RNF220: variants seen among roughly 807,000 people sequenced by gnomAD.
RNF220 encodes the protein ring finger protein 220.
RNF220 carries 7 observed loss-of-function variants against 67.1 expected under a neutral mutation model. The observed-to-expected ratio is 0.10, with a 90% CI of 0.06 to 0.20. RNF220 has a LOEUF of 0.20. RNF220 is among the 10% of genes least tolerant of loss of function. RNF220 has a pLI of 1.00. For missense variants in RNF220, 565 were observed against 740.3 expected (o/e 0.76, Z 2.75); for synonymous variants, 270 against 283.2 (o/e 0.95, Z 0.47).
intron 8 of RNF220, 31 bp from the exon 9 acceptor site, chr1:44,644,667 C>T (rs775608740): frequency 6.3e-7 from 1 of 1,593,694 alleles, no homozygotes; most frequent in East Asian, 2.2e-5. Flanking sequence ...CGTCTTGTCC[C>T]CAGGCCCTCC....
chr1:44,412,769 C>T lies in RNF220; in HGVS notation c.625+47C>T, dbSNP rs1200792503. 2.5e-6 allele frequency: 4 copies of T among 1,572,680 alleles called. No individual in the cohort carries two copies. Among genetic ancestry groups the T allele is most frequent in the Middle Eastern group, 1.7e-4 (1 of 5,844 alleles). ...CTCCCTTACCCCCAGTAAGCCCTGCCTCACCGTGATGTTCAACAGGTCGGT... is the reference window on the plus strand; with the variant it reads ...CTCCCTTACCCCCAGTAAGCCCTGCTTCACCGTGATGTTCAACAGGTCGGT... On this transcript the variant is annotated intron_variant, in intron 2 of 14. Transcript: ENST00000361799. This position sits in a 1 kb window ranked among gnomAD's most constrained non-coding sequence, Gnocchi z 5.3.
At chr1:44,478,257 A>G (rs886694959) in intron 2 of RNF220, among the ~76,000 whole-genome samples, 4 of 151,754 alleles carry the variant, frequency 2.6e-5, no homozygotes, top group South Asian at 2.1e-4. Flanking sequence ...GCCTCCCCCA[A>G]TTTTTACTCA....
chr1:44,551,395 G>A (rs184500668), intron 2 of RNF220, among the ~76,000 whole-genome samples: 1,444 of 131,824 alleles, frequency 0.011, 19 homozygotes, highest in Non-Finnish European at 0.018. Context: ...GATTACAGGC[G>A]TGAGCCACCG....
chr1:44,416,658 G>A (rs1021028395), intron 2 of RNF220, among the ~76,000 whole-genome samples: 3 of 152,232 alleles, frequency 2.0e-5, no homozygotes, highest in African/African-American at 2.4e-5. Context: ...GTGGAGCGGC[G>A]ACTGGCCCTG....
rs1647245824 is a variant in RNF220 at position 44,405,430 on chromosome 1, C to T, written c.-218C>T. Reference sequence around the variant, plus strand: ...CCGCCGCCGCCGCCGCTGCCTCCGCCGGCTCTGCGAACCCGGGACTTTTCA... The same window carrying T: ...CCGCCGCCGCCGCCGCTGCCTCCGCTGGCTCTGCGAACCCGGGACTTTTCA... On this transcript the variant is annotated 5_prime_UTR_variant, in exon 1 of 15. Coordinates refer to ENST00000361799, the MANE Select transcript of RNF220 (RefSeq NM_018150.4). The T allele has an allele frequency of 3.2e-6, 2 of 629,814 alleles. No individual in the cohort carries two copies. Among genetic ancestry groups the T allele is most frequent in the African/African-American group, 1.9e-5 (1 of 53,436 alleles). The allele number at this position is 629,814 out of a possible 1,614,324, so 39.0% of individuals were successfully genotyped here.
chr1:44,650,374 T>C lies in RNF220; in HGVS notation c.1630-330T>C, dbSNP rs1364167977. On this transcript the variant is annotated intron_variant, in intron 14 of 14. Transcript: ENST00000361799. The surrounding 1 kb of genome is among the most constrained non-coding windows in gnomAD (Gnocchi z 4.3). ...CCATTAAAATGTCGCCCGGAGACAGTAATAAAAGGCTCGGACGTGGGCTCT... is the reference window on the plus strand; with the variant it reads ...CCATTAAAATGTCGCCCGGAGACAGCAATAAAAGGCTCGGACGTGGGCTCT... The C allele has an allele frequency of 2.3e-6, 1 of 442,444 alleles. No individual in the cohort carries two copies. Among genetic ancestry groups the C allele is most frequent in the Non-Finnish European group, 4.1e-6 (1 of 243,202 alleles). 27.4% of individuals were successfully genotyped at this position (442,444 alleles called of 1,614,324 possible). A position where few individuals can be genotyped will look rare whatever the true frequency, so the allele number is the denominator to read the frequency against.
rs761137891 is a variant in RNF220, at chr1:44,651,133, G to A, written c.*358G>A. The stretch of plus-strand genomic sequence containing the variant: ...CAGACAGACATGCAAACACCAGACT[G>A]AAGCACATGTAATATAGACCGTGTA... On this transcript the variant is annotated 3_prime_UTR_variant, in exon 15 of 15. Transcript: ENST00000361799. The A allele has an allele frequency of 1.1e-4, 41 of 359,654 alleles. No homozygotes were observed. The highest frequency in any genetic ancestry group is 2.1e-4 in the Non-Finnish European group (39 of 184,362). The allele number at this position is 359,654 out of a possible 1,614,324, so 22.3% of individuals were successfully genotyped here.
chr1:44,488,727 C>CTTTT (rs55968850), intron 2 of RNF220, among the ~76,000 whole-genome samples: 30 of 102,574 alleles, frequency 2.9e-4, no homozygotes, highest in Non-Finnish European at 3.4e-4. Flanking sequence ...TTTCTTTTTT[C>CTTTT]TTTTTTTTTT....
At chr1:44,537,565 C>T (rs192864918) in intron 2 of RNF220, among the ~76,000 whole-genome samples, 8 of 152,226 alleles carry the variant, frequency 5.3e-5, no homozygotes, top group African/African-American at 1.9e-4. Context: ...CTTTCGTTAC[C>T]CTAGGAGTAA....
intron 2 of RNF220, among the ~76,000 whole-genome samples, chr1:44,599,298 T>C (rs1019060751): frequency 6.6e-6 from 1 of 152,230 alleles, no homozygotes; most frequent in African/African-American, 2.4e-5. Flanking sequence ...TATAGACATA[T>C]GTGGAACATA....
At chr1:44,486,245 G>T (rs1438743727) in intron 2 of RNF220, among the ~76,000 whole-genome samples, 2 of 151,968 alleles carry the variant, frequency 1.3e-5, no homozygotes, top group African/African-American at 2.4e-5. Flanking sequence ...GGGGGCCTTT[G>T]GGCGACCTGT....
intron 2 of RNF220, among the ~76,000 whole-genome samples, chr1:44,524,105 G>A (rs1024442568): frequency 2.0e-5 from 3 of 151,686 alleles, no homozygotes; most frequent in Admixed American, 6.6e-5. Context: ...AATGTGAATG[G>A]GGGGATGCTG....
intron 5 of RNF220, among the ~76,000 whole-genome samples, chr1:44,627,267 C>T (rs989401303): frequency 4.1e-5 from 6 of 144,638 alleles, no homozygotes; most frequent in African/African-American, 1.0e-4. Context: ...ATCACTTGAA[C>T]CCGGGAGGCA....
intron 3 of RNF220, among the ~76,000 whole-genome samples, chr1:44,619,531 C>A (rs1307740873): frequency 2.6e-5 from 4 of 152,202 alleles, no homozygotes; most frequent in African/African-American, 9.7e-5. Flanking sequence ...TGCACCATTT[C>A]TTTATTTCCA....
chr1:44,475,909 G>A (rs190700554), intron 2 of RNF220, among the ~76,000 whole-genome samples: 32 of 151,512 alleles, frequency 2.1e-4, no homozygotes, highest in African/African-American at 7.8e-4. Context: ...CTACTCAGGA[G>A]GCTGAGGTAG....
chr1:44,637,106 T>A (rs1275757058), intron 8 of RNF220, among the ~76,000 whole-genome samples: 1 of 152,242 alleles, frequency 6.6e-6, no homozygotes. Context: ...CTGTGTATGG[T>A]CCCTGGGGAA....
chr1:44,615,443 A>G (rs1316725611), intron 3 of RNF220, among the ~76,000 whole-genome samples: 1 of 152,156 alleles, frequency 6.6e-6, no homozygotes, highest in African/African-American at 2.4e-5. Flanking sequence ...TTTGGAAAAT[A>G]TAATCTGCTA....
intron 2 of RNF220, among the ~76,000 whole-genome samples, chr1:44,509,259 A>G (rs1187232264): frequency 2.6e-5 from 4 of 152,182 alleles, no homozygotes; most frequent in Non-Finnish European, 5.9e-5. Flanking sequence ...ATTAGAAAAT[A>G]GGCATAGGCA....
chr1:44,425,007 T>TGTAAA (rs1649613563), intron 2 of RNF220, among the ~76,000 whole-genome samples: 1 of 152,248 alleles, frequency 6.6e-6, no homozygotes. Context: ...AATGCTCATT[T>TGTAAA]GTAAAGAAAT....
Sources: allele counts gnomAD v4.1 joint callset (sites outside exome capture counted in the v4.1 genomes callset), GRCh38; gene constraint gnomAD v4.1.1; non-coding constraint Gnocchi (gnomAD v3.1); transcripts MANE v1.5; gene names NCBI Gene and HGNC (gene_info 2026-07-23, HGNC 2026-07-21).